ROBO2: variants seen among roughly 807,000 people sequenced by gnomAD.
ROBO2 encodes roundabout homolog 2.
ROBO2 carries 53 observed loss-of-function variants against 160.8 expected under a neutral mutation model. The ratio of observed to expected loss-of-function variants is 0.33; its 90% CI spans 0.26 to 0.41. ROBO2 has a LOEUF of 0.41. Ranked by LOEUF, ROBO2 falls within the 10% of genes least tolerant of loss-of-function variation. The probability of loss-of-function intolerance (pLI) is 1.00; values close to 1 mark genes in which losing one functional copy is unlikely to be tolerated. For missense variants in ROBO2, 1,577 were observed against 1,722.4 expected (o/e 0.92, Z 1.49); for synonymous variants, 664 against 611.7 (o/e 1.09, Z -1.26).
At chr3:76,533,227 A>ATGTGAGGATTTT (rs1469854898) in intron 2 of ROBO2, among the ~76,000 whole-genome samples, 4 of 152,222 alleles carry the variant, frequency 2.6e-5, no homozygotes, top group African/African-American at 9.6e-5. Flanking sequence ...GCATGTTAGG[A>ATGTGAGGATTTT]TGTGAGGATT....
intron 2 of ROBO2, among the ~76,000 whole-genome samples, chr3:76,031,346 C>T (rs2066913164): frequency 6.6e-6 from 1 of 152,078 alleles, no homozygotes; most frequent in African/African-American, 2.4e-5. Context: ...TAATTGAATA[C>T]CCTTTATTTC....
chr3:76,255,895 A>T (rs1706326998), intron 2 of ROBO2, among the ~76,000 whole-genome samples: 2 of 150,888 alleles, frequency 1.3e-5, no homozygotes, highest in South Asian at 2.1e-4. Context: ...GGACACAATT[A>T]AAAAAAAACC....
intron 2 of ROBO2, among the ~76,000 whole-genome samples, chr3:77,011,734 C>CT: frequency 6.6e-6 from 1 of 152,142 alleles, no homozygotes; most frequent in South Asian, 2.1e-4. Flanking sequence ...TTTCTTTAAA[C>CT]TTTGCATGAA....
At chr3:77,173,590 A>C (rs1372005579) in intron 2 of ROBO2, among the ~76,000 whole-genome samples, 1 of 152,108 alleles carries the variant, frequency 6.6e-6, no homozygotes, top group South Asian at 2.1e-4. Flanking sequence ...TATGACCCGC[A>C]ATTTCCTCAT....
chr3:77,271,342 A>G (rs186897703), intron 2 of ROBO2, among the ~76,000 whole-genome samples: 2 of 152,334 alleles, frequency 1.3e-5, no homozygotes, highest in East Asian at 3.9e-4. Context: ...GAAAGGGACT[A>G]GTGAAATTAT....
At chr3:75,944,892 T>A (rs890875720) in intron 2 of ROBO2, among the ~76,000 whole-genome samples, 4 of 152,166 alleles carry the variant, frequency 2.6e-5, no homozygotes, top group Non-Finnish European at 5.9e-5. Flanking sequence ...TCCTACTTTC[T>A]GTCCTTTAAC....
At chr3:76,686,572 C>T (rs2092689751) in intron 2 of ROBO2, among the ~76,000 whole-genome samples, 1 of 152,014 alleles carries the variant, frequency 6.6e-6, no homozygotes, top group Non-Finnish European at 1.5e-5. Flanking sequence ...CCATAAAGTC[C>T]ATGAGGAGAC....
rs1249315848 is a variant in ROBO2 at position 77,283,741 on chromosome 3, G to T, written c.388+185401G>T. Among the ~76,000 whole-genome samples, 5 of 152,190 alleles carry T rather than the reference G, an allele frequency of 3.3e-5. No homozygotes were observed. The South Asian group carries it at 6.2e-4, about 19-fold the overall frequency. ...AATAAAGATGGTCCATATGGAAAATGAGATTTTTAAAAAAGTTTAAGAGTA... is the reference window on the plus strand; with the variant it reads ...AATAAAGATGGTCCATATGGAAAATTAGATTTTTAAAAAAGTTTAAGAGTA... On this transcript the variant is annotated intron_variant, in intron 2 of 25. Transcript: ENST00000461745.
intron 2 of ROBO2, among the ~76,000 whole-genome samples, chr3:76,896,552 CT>C (rs749903758): frequency 6.6e-6 from 1 of 151,896 alleles, no homozygotes; most frequent in Non-Finnish European, 1.5e-5. Context: ...GATCATGCAC[CT>C]TCACATATTT....
chr3:77,093,546 C>T (rs573631473), intron 1 of ROBO2, among the ~76,000 whole-genome samples: 1 of 152,208 alleles, frequency 6.6e-6, no homozygotes, highest in African/African-American at 2.4e-5. Flanking sequence ...ACCACCACTA[C>T]TGCCTCCCCC....
At chr3:76,769,190 T>C (rs773983424) in intron 2 of ROBO2, among the ~76,000 whole-genome samples, 6 of 151,478 alleles carry the variant, frequency 4.0e-5, no homozygotes, top group Non-Finnish European at 7.4e-5. Context: ...TATAGTAAGA[T>C]CTGGCGACAC....
chr3:76,504,477 T>C (rs1310133811), intron 2 of ROBO2, among the ~76,000 whole-genome samples: 2 of 151,958 alleles, frequency 1.3e-5, no homozygotes, highest in Admixed American at 1.3e-4. Flanking sequence ...AATTTCTGGT[T>C]ATTCCTTCAC....
At chr3:77,592,898 T>C (rs958100968) in intron 17 of ROBO2, among the ~76,000 whole-genome samples, 1 of 152,172 alleles carries the variant, frequency 6.6e-6, no homozygotes, top group Non-Finnish European at 1.5e-5. Context: ...TTATAATACT[T>C]TAAACTTTAC....
At chr3:76,649,655 G>A (rs2091160320) in intron 2 of ROBO2, among the ~76,000 whole-genome samples, 1 of 152,112 alleles carries the variant, frequency 6.6e-6, no homozygotes, top group Non-Finnish European at 1.5e-5. Context: ...AGAAATACAA[G>A]TTTAAAATAT....
At chr3:76,802,145 T>C (rs1165648019) in intron 2 of ROBO2, among the ~76,000 whole-genome samples, 4 of 152,172 alleles carry the variant, frequency 2.6e-5, no homozygotes, top group African/African-American at 9.7e-5. Flanking sequence ...TATCAAAATA[T>C]GACACAGAGG....
At chr3:76,365,770 T>C (rs1026446372) in intron 2 of ROBO2, among the ~76,000 whole-genome samples, 1 of 152,124 alleles carries the variant, frequency 6.6e-6, no homozygotes, top group Non-Finnish European at 1.5e-5. Context: ...CTCATTTTCT[T>C]ATAATGATTC....
intron 2 of ROBO2, among the ~76,000 whole-genome samples, chr3:76,286,830 T>G (rs996358891): frequency 6.6e-6 from 1 of 152,134 alleles, no homozygotes; most frequent in Non-Finnish European, 1.5e-5. Flanking sequence ...AAGTTTAAAA[T>G]CTCCGACCTA....
chr3:76,465,998 G>GTGTGT (rs1553763872), intron 2 of ROBO2, among the ~76,000 whole-genome samples: 1 of 147,566 alleles, frequency 6.8e-6, no homozygotes, highest in Non-Finnish European at 1.5e-5. Context: ...ATAAAATATG[G>GTGTGT]GTGTGTGTGT....
chr3:76,445,382 A>T (rs1168989402), intron 2 of ROBO2, among the ~76,000 whole-genome samples: 1 of 152,206 alleles, frequency 6.6e-6, no homozygotes, highest in African/African-American at 2.4e-5. Flanking sequence ...AAACTAAGGA[A>T]GGAAAAAATG....
Sources: gnomAD v4.1 joint callset for allele counts (sites outside exome capture counted in the v4.1 genomes callset) on GRCh38, gnomAD v4.1.1 for gene constraint, MANE v1.5 for transcripts, NCBI Gene and HGNC (gene_info 2026-07-23, HGNC 2026-07-21) for gene names.